The following DOCK11 variants were observed in gnomAD, a reference collection of about 807,000 sequenced individuals.
DOCK11 encodes the protein dedicator of cytokinesis protein 11.
A neutral mutation model predicts 169.1 loss-of-function variants in DOCK11; 70 were observed. That is an observed-to-expected ratio of 0.41 (90% CI 0.34 to 0.51). The LOEUF is 0.51. Ranked by LOEUF, DOCK11 falls within the 20% of genes least tolerant of loss-of-function variation. DOCK11 has a pLI of 0.10. For synonymous variants in DOCK11, 529 were observed against 541.3 expected (o/e 0.98, Z 0.32); for missense variants, 1,166 against 1,538.8 (o/e 0.76, Z 4.05).
intron 15 of DOCK11, 52 bp downstream of exon 15, chrX:118,584,909 T>A (rs1317595180): frequency 8.6e-7 from 1 of 1,158,507 alleles, no homozygotes; most frequent in Non-Finnish European, 1.2e-6. Flanking sequence ...GAATCCTCAG[T>A]TTTTTAAAAT....
At chrX:118,523,584 G>A (rs1201475065) in intron 1 of DOCK11, among the ~76,000 whole-genome samples, 4 of 112,102 alleles carry the variant, frequency 3.6e-5, no homozygotes, top group Admixed American at 9.5e-5. Context: ...TGTTTCTCAC[G>A]TTTAGTAAGG....
At chrX:118,516,424 C>T (rs1380444348) in intron 1 of DOCK11, among the ~76,000 whole-genome samples, 3 of 98,438 alleles carry the variant, frequency 3.0e-5, no homozygotes, top group Non-Finnish European at 4.1e-5. Flanking sequence ...CCTCCCCTCC[C>T]CTCCCCTCCT....
intron 30 of DOCK11, among the ~76,000 whole-genome samples, chrX:118,617,081 G>A (rs927225418): frequency 8.9e-6 from 1 of 111,933 alleles, no homozygotes; most frequent in Non-Finnish European, 1.9e-5. Flanking sequence ...ATAAAGCATT[G>A]TATTAAGTGC....
At chrX:118,552,378 T>C (rs1430404405) in intron 6 of DOCK11, among the ~76,000 whole-genome samples, 1 of 111,919 alleles carries the variant, frequency 8.9e-6, no homozygotes, top group Non-Finnish European at 1.9e-5. Flanking sequence ...GTCGATGGGC[T>C]GTAGGGAAAA....
chrX:118,560,496 C>G (rs2012871239), intron 6 of DOCK11, among the ~76,000 whole-genome samples: 1 of 112,089 alleles, frequency 8.9e-6, no homozygotes, highest in Non-Finnish European at 1.9e-5. Context: ...GAAGTGACTT[C>G]AGATCTGTCA....
At chrX:118,679,651 A>T (rs1044642318) in intron 48 of DOCK11, among the ~76,000 whole-genome samples, 13 of 111,018 alleles carry the variant, frequency 1.2e-4, no homozygotes, top group Admixed American at 2.9e-4. Flanking sequence ...AAGTGGGAGG[A>T]TCACTTGAGC....
At chrX:118,663,875 A>G (rs749319211) in intron 45 of DOCK11, among the ~76,000 whole-genome samples, 13 of 109,008 alleles carry the variant, frequency 1.2e-4, no homozygotes, top group Admixed American at 7.9e-4. Context: ...GGGTTTCACC[A>G]TGTTGGCCAG....
chrX:118,680,744 A>G, intron 49 of DOCK11, 52 bp downstream of exon 49: 1 of 985,752 alleles, frequency 1.0e-6, no homozygotes, highest in Admixed American at 2.7e-5. Context: ...CTTTTTCAGC[A>G]TACACGAGTA....
intron 14 of DOCK11, among the ~76,000 whole-genome samples, chrX:118,581,330 GT>G (rs2013626316): frequency 9.0e-6 from 1 of 111,563 alleles, no homozygotes; most frequent in Non-Finnish European, 1.9e-5. Context: ...TATTGTCCTT[GT>G]TTTGCAGACT....
At chrX:118,568,945 T>G (rs938695133) in intron 10 of DOCK11, among the ~76,000 whole-genome samples, 2 of 111,058 alleles carry the variant, frequency 1.8e-5, no homozygotes, top group Middle Eastern at 4.2e-3. Context: ...GAATGAAAAT[T>G]TTTTATTTAG....
chrX:118,685,710 A>G lies in DOCK11; in HGVS notation c.6125A>G (p.His2042Arg). 2 of 1,210,495 alleles carry G rather than the reference A, an allele frequency of 1.7e-6. No homozygotes were observed. The highest frequency in any genetic ancestry group is 5.9e-5 in the East Asian group (2 of 33,817). The change falls in exon 53 of 53, where the codon CAT (histidine) becomes CGT (arginine). Residue 2042 changes from histidine (H) to arginine (R), a missense_variant. Coordinates refer to ENST00000276202, the MANE Select transcript of DOCK11 (RefSeq NM_144658.4). ...TAGATATTACAAGAAGACACAATGC[A>G]TTCTCCCTGGATGAGCAACACATTA... Reference protein sequence around the residue: ...HEQILQEDTMHSPWMSNTLHV... With the variant: ...HEQILQEDTMRSPWMSNTLHV...
chrX:118,569,388 G>A (rs1049180673), intron 10 of DOCK11: 3 of 110,985 alleles, frequency 2.7e-5, no homozygotes, highest in African/African-American at 6.5e-5. Context: ...CACTGTGCAC[G>A]GCCTCTTTTT....
intron 40 of DOCK11, among the ~76,000 whole-genome samples, chrX:118,646,043 G>A (rs2015655015): frequency 1.2e-5 from 1 of 84,836 alleles, no homozygotes; most frequent in Admixed American, 1.5e-4. Flanking sequence ...GCAACAGAGC[G>A]AGACTTCGTC....
rs767686318 is a variant in DOCK11, at chrX:118,646,512, G to C, written c.4399-2433G>C. On this transcript the variant is annotated intron_variant, in intron 40 of 52. Coordinates refer to ENST00000276202, the MANE Select transcript of DOCK11 (RefSeq NM_144658.4). Reference sequence around the variant, plus strand: ...CAAAGAAGGAAAGAGTTCCAACATTGTCATGACGTATACGGAGTAGTCAAA... The same window carrying C: ...CAAAGAAGGAAAGAGTTCCAACATTCTCATGACGTATACGGAGTAGTCAAA... Among the ~76,000 whole-genome samples, 7 of 111,460 alleles carry C rather than the reference G, an allele frequency of 6.3e-5. No homozygotes were observed. In the Admixed American group the frequency reaches 6.7e-4, roughly 11 times the overall value.
chrX:118,682,734 T>C (rs2016772752), intron 51 of DOCK11, among the ~76,000 whole-genome samples: 1 of 112,227 alleles, frequency 8.9e-6, no homozygotes, highest in African/African-American at 3.2e-5. Context: ...AATAAATTCT[T>C]TTTGAATGAA....
chrX:118,543,477 A>G (rs2012109581), intron 3 of DOCK11, 34 bp from the exon 4 acceptor site: 7 of 1,095,187 alleles, frequency 6.4e-6, no homozygotes, highest in Non-Finnish European at 8.8e-6. Context: ...TACTTTTCCT[A>G]TATTTCAAAT....
chrX:118,659,912 A>G, intron 44 of DOCK11, among the ~76,000 whole-genome samples: 1 of 112,249 alleles, frequency 8.9e-6, no homozygotes, highest in Non-Finnish European at 1.9e-5. Context: ...ACATTTGGAA[A>G]TGACTTAAAG....
In DOCK11 at chrX:118,591,802, T is replaced by A. The variant is rs5910385; in HGVS notation, c.2140-1412T>A. ...CCCCCCTCCCCCCACCCCACAACAG[T>A]CCCCAGAGTGTGATGTTCCCCTTCC... On this transcript the variant is annotated intron_variant, in intron 19 of 52. Coordinates refer to ENST00000276202, the MANE Select transcript of DOCK11 (RefSeq NM_144658.4). Among the ~76,000 whole-genome samples, 2 of 24,717 alleles carry A rather than the reference T, an allele frequency of 8.1e-5. 1 individual carries two copies. Among genetic ancestry groups the A allele is most frequent in the Admixed American group, 1.8e-3 (2 of 1,117 alleles). The allele number at this position is 24,717 out of a possible 115,157, so 21.5% of individuals were successfully genotyped here.
At chrX:118,680,834 C>T (rs961104560) in intron 49 of DOCK11, 142 bp downstream of exon 49, 6 of 584,157 alleles carry the variant, frequency 1.0e-5, no homozygotes, top group Admixed American at 4.0e-5. Flanking sequence ...TGCACAAGCA[C>T]GTCCATGTGA....
Sources: gnomAD v4.1 joint callset for allele counts (sites outside exome capture counted in the v4.1 genomes callset) on GRCh38, gnomAD v4.1.1 for gene constraint, MANE v1.5 for transcripts, NCBI Gene and HGNC (gene_info 2026-07-23, HGNC 2026-07-21) for gene names.